Variants in RHOT1 observed in about 807,000 individuals in gnomAD.
The protein encoded by RHOT1 is mitochondrial Rho GTPase 1.
In RHOT1, 27 loss-of-function variants were observed where a neutral mutation model predicts 95.3. The ratio of observed to expected loss-of-function variants is 0.28; its 90% CI spans 0.21 to 0.39. The LOEUF (loss-of-function observed/expected upper bound fraction) is 0.39, where lower values mean the gene tolerates loss of function less well. RHOT1 is among the 10% of genes least tolerant of loss of function. RHOT1 has a pLI of 1.00. For synonymous variants in RHOT1, 227 were observed against 263.5 expected (o/e 0.86, Z 1.34); for missense variants, 578 against 786.7 (o/e 0.73, Z 3.17).
Position 32,142,909 on chromosome 17 carries a change from GGC to G in RHOT1, c.37+181_37+182del, listed in dbSNP as rs907257992. Reference sequence around the variant, plus strand: ...TCCAGCCCCTTCACTCTTCTCTTTTGGCTGGCCGCCGGCGGCCCTCACCCTGT... The same window carrying G: ...TCCAGCCCCTTCACTCTTCTCTTTTGTGGCCGCCGGCGGCCCTCACCCTGT... On this transcript the variant is annotated intron_variant, in intron 1 of 19. Transcript: ENST00000545287. The G allele has an allele frequency of 4.1e-6, 3 of 737,104 alleles. No individual in the cohort carries two copies. In the African/African-American group the frequency reaches 5.2e-5, roughly 13 times the overall value. The allele number at this position is 737,104 out of a possible 1,614,324, so 45.7% of individuals were successfully genotyped here.
At chr17:32,198,171 C>G (rs1210502466) in intron 11 of RHOT1, among the ~76,000 whole-genome samples, 1 of 152,238 alleles carries the variant, frequency 6.6e-6, no homozygotes, top group African/African-American at 2.4e-5. Context: ...GCTGGGATTA[C>G]AGGCATGAGT....
intron 18 of RHOT1, among the ~76,000 whole-genome samples, chr17:32,210,823 A>G (rs1205753012): frequency 2.6e-5 from 4 of 152,090 alleles, no homozygotes; most frequent in Non-Finnish European, 5.9e-5. Context: ...GTGCATATTT[A>G]TTCCACAAAA....
intron 11 of RHOT1, among the ~76,000 whole-genome samples, chr17:32,197,375 C>T (rs1033655142): frequency 8.7e-5 from 13 of 150,198 alleles, no homozygotes; most frequent in Admixed American, 1.3e-4. Context: ...ATTACAGGTG[C>T]GTGCCACCAC....
intron 1 of RHOT1, among the ~76,000 whole-genome samples, chr17:32,156,384 A>G (rs2032966891): frequency 6.6e-6 from 1 of 151,932 alleles, no homozygotes; most frequent in Middle Eastern, 3.2e-3. Flanking sequence ...CTCCCACCTC[A>G]GCCTCTCAAG....
intron 2 of RHOT1, among the ~76,000 whole-genome samples, chr17:32,172,364 T>C (rs1277873328): frequency 6.6e-6 from 1 of 152,246 alleles, no homozygotes; most frequent in Admixed American, 6.5e-5. Flanking sequence ...AAAAGTTTTC[T>C]GTGAGAGTTT....
chr17:32,187,062 G>T (rs909342950), intron 8 of RHOT1, among the ~76,000 whole-genome samples: 1 of 151,936 alleles, frequency 6.6e-6, no homozygotes, highest in African/African-American at 2.4e-5. Context: ...TGAGGCAGGG[G>T]GATCACTTGA....
chr17:32,182,368 C>G (rs1302501768), intron 6 of RHOT1, among the ~76,000 whole-genome samples: 2 of 152,024 alleles, frequency 1.3e-5, no homozygotes, highest in Non-Finnish European at 2.9e-5. Flanking sequence ...TGCCTATAGT[C>G]CTAGCTACTA....
chr17:32,161,811 C>T (rs1038702133), intron 1 of RHOT1, among the ~76,000 whole-genome samples: 12 of 152,198 alleles, frequency 7.9e-5, no homozygotes, highest in Non-Finnish European at 1.5e-4. Flanking sequence ...CCTGACCAAC[C>T]ACAAATTCAG....
In RHOT1 at chr17:32,205,385, T is replaced by A. The variant is rs546417232; in HGVS notation, c.1416+1412T>A. ...TTATGGCTGCATACTTCTATTTTTT[T>A]AAAAAAATATTTCCTGTACTATTGA... On this transcript the variant is annotated intron_variant, in intron 16 of 19. Coordinates refer to ENST00000545287, the MANE Select transcript of RHOT1 (RefSeq NM_001033566.3). Among the ~76,000 whole-genome samples, 117 of 152,244 alleles carry A rather than the reference T, an allele frequency of 7.7e-4. 1 individual carries two copies. The highest frequency in any genetic ancestry group is 2.5e-3 in the South Asian group (12 of 4,818).
chr17:32,163,537 C>T (rs2033758897), intron 1 of RHOT1, among the ~76,000 whole-genome samples: 2 of 151,986 alleles, frequency 1.3e-5, no homozygotes, highest in African/African-American at 4.8e-5. Context: ...TCGAGACCAG[C>T]CTGGCCAATA....
At chr17:32,187,251 C>T (rs2036132426) in intron 8 of RHOT1, among the ~76,000 whole-genome samples, 2 of 152,042 alleles carry the variant, frequency 1.3e-5, no homozygotes, top group Non-Finnish European at 2.9e-5. Flanking sequence ...TGCACCACTG[C>T]ACTCCAGCCT....
At chr17:32,213,377 GAA>G (rs2038258224) in intron 19 of RHOT1, among the ~76,000 whole-genome samples, 1 of 152,088 alleles carries the variant, frequency 6.6e-6, no homozygotes, top group Admixed American at 6.6e-5. Context: ...AAATGATGTT[GAA>G]TACCCAGAGG....
At chr17:32,167,958 C>T (rs1435675395) in intron 1 of RHOT1, among the ~76,000 whole-genome samples, 2 of 151,954 alleles carry the variant, frequency 1.3e-5, no homozygotes, top group South Asian at 2.1e-4. Flanking sequence ...TGCTTGAGCC[C>T]AGGAGTTTGA....
Position 32,208,472 on chromosome 17 carries a change from A to G in RHOT1, c.1739+163A>G, listed in dbSNP as rs2037909080. On this transcript the variant is annotated intron_variant, in intron 18 of 19. Coordinates refer to ENST00000545287, the MANE Select transcript of RHOT1 (RefSeq NM_001033566.3). Reference sequence around the variant, plus strand: ...TTGAGTAAATGCAAGTTTGGTTTGAATGCCATAATAAAATGATATAAACAG... The same window carrying G: ...TTGAGTAAATGCAAGTTTGGTTTGAGTGCCATAATAAAATGATATAAACAG... 4.5e-6 allele frequency: 3 copies of G among 661,294 alleles called. No homozygotes were observed. The South Asian group carries it at 5.5e-5, about 12-fold the overall frequency. 41.0% of individuals were successfully genotyped at this position (661,294 alleles called of 1,614,324 possible).
intron 6 of RHOT1, among the ~76,000 whole-genome samples, chr17:32,182,271 A>G (rs532485346): frequency 6.6e-6 from 1 of 152,188 alleles, no homozygotes; most frequent in Non-Finnish European, 1.5e-5. Flanking sequence ...GGAGGCCAGA[A>G]GTTTGAGACT....
At chr17:32,168,054 A>T (rs2034245666) in intron 1 of RHOT1, among the ~76,000 whole-genome samples, 1 of 151,398 alleles carries the variant, frequency 6.6e-6, no homozygotes, top group African/African-American at 2.4e-5. Context: ...AAAAGGAAAC[A>T]TTTGTTTACA....
intron 6 of RHOT1, among the ~76,000 whole-genome samples, chr17:32,177,521 C>T (rs538729613): frequency 2.0e-5 from 3 of 152,024 alleles, no homozygotes; most frequent in South Asian, 4.2e-4. Flanking sequence ...TTTGGGAGGC[C>T]GAGGCAGGCG....
intron 8 of RHOT1, among the ~76,000 whole-genome samples, chr17:32,186,521 G>A (rs926234397): frequency 8.6e-5 from 13 of 151,816 alleles, no homozygotes; most frequent in East Asian, 5.8e-4. Flanking sequence ...CCACCACCAC[G>A]CCCGGCTAAT....
chr17:32,147,516 T>C (rs928106218), intron 1 of RHOT1, among the ~76,000 whole-genome samples: 2 of 151,930 alleles, frequency 1.3e-5, no homozygotes, highest in African/African-American at 4.8e-5. Flanking sequence ...CTGGTCTTTG[T>C]TGGAATGATA....
Sources: gnomAD v4.1 joint callset for allele counts (sites outside exome capture counted in the v4.1 genomes callset) on GRCh38, gnomAD v4.1.1 for gene constraint, MANE v1.5 for transcripts, NCBI Gene and HGNC (gene_info 2026-07-23, HGNC 2026-07-21) for gene names.